CRB1: variants seen among roughly 807,000 people sequenced by gnomAD.
CRB1 encodes crumbs cell polarity complex component 1.
A neutral mutation model predicts 120.0 loss-of-function variants in CRB1; 83 were observed. The observed-to-expected ratio is 0.69, with a 90% CI of 0.58 to 0.83. CRB1 has a LOEUF of 0.83. Ranked by LOEUF, CRB1 falls within the 40% of genes least tolerant of loss-of-function variation. The pLI, the probability that CRB1 is intolerant of heterozygous loss-of-function variation, is 0.00. For missense variants in CRB1, 1,699 were observed against 1,687.6 expected (o/e 1.01, Z -0.12); for synonymous variants, 625 against 612.5 (o/e 1.02, Z -0.30).
chr1:197,453,870 A>T (rs955098296), intron 11 of CRB1, among the ~76,000 whole-genome samples: 11 of 141,938 alleles, frequency 7.7e-5, no homozygotes, highest in Non-Finnish European at 1.5e-4. Flanking sequence ...TATTAATATT[A>T]TTAATAATAT....
chr1:197,234,599 C>T, the CRB1 span, among the ~76,000 whole-genome samples: 1 of 152,234 alleles, frequency 6.6e-6, no homozygotes, highest in African/African-American at 2.4e-5. Flanking sequence ...AAATAATCCA[C>T]AGTTGAAGAG....
At chr1:197,251,759 T>C in the CRB1 span, among the ~76,000 whole-genome samples, 1 of 151,998 alleles carries the variant, frequency 6.6e-6, no homozygotes, top group Non-Finnish European at 1.5e-5. Flanking sequence ...CAAATTTTTT[T>C]ATGTGTTTGT....
At chr1:197,432,108 A>T (rs916156639) in intron 8 of CRB1, among the ~76,000 whole-genome samples, 1 of 152,084 alleles carries the variant, frequency 6.6e-6, no homozygotes, top group Non-Finnish European at 1.5e-5. Flanking sequence ...ATTATGGTAA[A>T]GTTCCCCAAA....
the CRB1 span, among the ~76,000 whole-genome samples, chr1:197,223,783 A>G: frequency 0.22 from 33,744 of 152,100 alleles, 4,195 homozygotes; most frequent in Middle Eastern, 0.29. Flanking sequence ...TTAGTTTTGG[A>G]ACTCTTTCTG....
the CRB1 span, among the ~76,000 whole-genome samples, chr1:197,242,285 C>T: frequency 6.6e-6 from 1 of 152,094 alleles, no homozygotes; most frequent in African/African-American, 2.4e-5. Flanking sequence ...CCAGCTGTTG[C>T]CCATTCAGTA....
Position 197,420,902 on chromosome 1 carries a change from A to G in CRB1, c.1172-98A>G, listed in dbSNP as rs940752026. ...TCCATTACAGTCCTAAACCTGAGCT[A>G]TTCATGCACTTCTGCAAGATTATAC... On this transcript the variant is annotated intron_variant, in intron 5 of 11. Coordinates refer to ENST00000367400, the MANE Select transcript of CRB1 (RefSeq NM_201253.3). 1.3e-5 allele frequency: 11 copies of G among 841,640 alleles called. No homozygotes were observed. The African/African-American group carries it at 1.8e-4, about 14-fold the overall frequency. The allele number at this position is 841,640 out of a possible 1,614,324, so 52.1% of individuals were successfully genotyped here.
chr1:197,213,748 C>G, the CRB1 span, among the ~76,000 whole-genome samples: 1 of 151,986 alleles, frequency 6.6e-6, no homozygotes, highest in Non-Finnish European at 1.5e-5. Context: ...AATTTACAAA[C>G]ATATGAAGAT....
chr1:197,289,165 A>G (rs1002162227), intron 1 of CRB1, among the ~76,000 whole-genome samples: 3 of 151,706 alleles, frequency 2.0e-5, no homozygotes, highest in Non-Finnish European at 4.4e-5. Context: ...AACAAATCCC[A>G]AGTACAAGAA....
At chr1:197,342,466 C>T (rs1054759789) in intron 2 of CRB1, among the ~76,000 whole-genome samples, 10 of 152,184 alleles carry the variant, frequency 6.6e-5, no homozygotes, top group African/African-American at 2.4e-4. Context: ...TTCTTCTCGT[C>T]TAGCTGTAAA....
chr1:197,313,627 A>G (rs1657676364), intron 1 of CRB1, among the ~76,000 whole-genome samples: 1 of 152,090 alleles, frequency 6.6e-6, no homozygotes, highest in South Asian at 2.1e-4. Flanking sequence ...CCTTTCCAGC[A>G]TCTGGTAACC....
intron 5 of CRB1, among the ~76,000 whole-genome samples, chr1:197,404,418 G>A (rs577090117): frequency 2.9e-5 from 4 of 139,274 alleles, no homozygotes; most frequent in Admixed American, 2.2e-4. Context: ...CTCCAGCCTG[G>A]GCGACAGAGC....
chr1:197,428,641 G>A (rs1334861493), intron 7 of CRB1, among the ~76,000 whole-genome samples: 1 of 152,132 alleles, frequency 6.6e-6, no homozygotes, highest in Non-Finnish European at 1.5e-5. Flanking sequence ...CACTAAGCTT[G>A]GTTCTAAATA....
At chr1:197,208,405 A>G in the CRB1 span, among the ~76,000 whole-genome samples, 1 of 152,174 alleles carries the variant, frequency 6.6e-6, no homozygotes, top group African/African-American at 2.4e-5. Flanking sequence ...CCTCCATCCC[A>G]TGGAGTGCTC....
At chr1:197,211,967 G>GA in the CRB1 span, among the ~76,000 whole-genome samples, 1 of 151,692 alleles carries the variant, frequency 6.6e-6, no homozygotes, top group Non-Finnish European at 1.5e-5. Context: ...AATATAAAAT[G>GA]AAAAAAATAT....
At chr1:197,209,390 G>C in the CRB1 span, among the ~76,000 whole-genome samples, 1 of 152,044 alleles carries the variant, frequency 6.6e-6, no homozygotes, top group African/African-American at 2.4e-5. Flanking sequence ...TGTTGCCCAG[G>C]CTGGAGTTCA....
chr1:197,429,413 A>C, intron 7 of CRB1, 36 bp from the exon 8 acceptor site: 2 of 1,610,420 alleles, frequency 1.2e-6, no homozygotes, highest in Non-Finnish European at 1.7e-6. Context: ...TTTAGTTGCC[A>C]GTGCTTTTTA....
chr1:197,420,800 C>T (rs1187444127), intron 5 of CRB1, among the ~76,000 whole-genome samples, 200 bp from the exon 6 acceptor site: 2 of 152,158 alleles, frequency 1.3e-5, no homozygotes, highest in African/African-American at 4.8e-5. Flanking sequence ...CCTGCCATGA[C>T]TGCATCTTTT....
At chr1:197,407,369 G>T (rs1663465719) in intron 5 of CRB1, among the ~76,000 whole-genome samples, 2 of 152,148 alleles carry the variant, frequency 1.3e-5, no homozygotes. Flanking sequence ...CTTTTATCAA[G>T]AAACCTCTAT....
chr1:197,311,862 T>C (rs1657549401), intron 1 of CRB1, among the ~76,000 whole-genome samples: 1 of 152,152 alleles, frequency 6.6e-6, no homozygotes, highest in Non-Finnish European at 1.5e-5. Context: ...CTGTTTCTTA[T>C]AGATTTGTAG....
Sources: gnomAD v4.1 joint callset for allele counts (sites outside exome capture counted in the v4.1 genomes callset) on GRCh38, gnomAD v4.1.1 for gene constraint, MANE v1.5 for transcripts, NCBI Gene and HGNC (gene_info 2026-07-23, HGNC 2026-07-21) for gene names.